Variants in DAB1 observed in about 807,000 individuals in gnomAD.
The protein encoded by DAB1 is DAB adaptor protein 1, also known as disabled homolog 1.
In DAB1, 15 loss-of-function variants were observed where a neutral mutation model predicts 64.6. The observed-to-expected ratio is 0.23, with a 90% CI of 0.16 to 0.36. The LOEUF is 0.36. DAB1 is among the 10% of genes least tolerant of loss of function. The probability of loss-of-function intolerance (pLI) is 1.00; values close to 1 mark genes in which losing one functional copy is unlikely to be tolerated. For synonymous variants in DAB1, 235 were observed against 251.9 expected, an observed-to-expected ratio of 0.93 and a Z score of 0.64; for missense variants, 596 against 706.7, an observed-to-expected ratio of 0.84 and a Z score of 1.78.
At chr1:57,117,789 C>T (rs1656270561) in intron 4 of DAB1, among the ~76,000 whole-genome samples, 1 of 151,404 alleles carries the variant, frequency 6.6e-6, no homozygotes, top group Non-Finnish European at 1.5e-5. Flanking sequence ...GGTGCTCTCA[C>T]ACTGAAAATA....
At chr1:57,984,542 A>G (rs533849076) in intron 5 of DAB1, among the ~76,000 whole-genome samples, 1 of 152,342 alleles carries the variant, frequency 6.6e-6, no homozygotes, top group Non-Finnish European at 1.5e-5. Flanking sequence ...CTTCCAGCAA[A>G]TTAAGCAGTA....
At chr1:57,579,522 A>G (rs915209803) in intron 7 of DAB1, among the ~76,000 whole-genome samples, 1 of 152,144 alleles carries the variant, frequency 6.6e-6, no homozygotes, top group Non-Finnish European at 1.5e-5. Flanking sequence ...TAACATGACT[A>G]TTTTTATTCC....
chr1:57,279,246 A>C (rs1671706734), intron 2 of DAB1, among the ~76,000 whole-genome samples: 1 of 152,218 alleles, frequency 6.6e-6, no homozygotes, highest in Non-Finnish European at 1.5e-5. Flanking sequence ...CTTTATATAA[A>C]ATGGCATAGT....
chr1:57,053,672 A>ATG (rs1359392684), intron 9 of DAB1, among the ~76,000 whole-genome samples: 3 of 89,012 alleles, frequency 3.4e-5, no homozygotes, highest in African/African-American at 8.1e-5. Flanking sequence ...ATATGTATAT[A>ATG]TATATATATA....
intron 2 of DAB1, among the ~76,000 whole-genome samples, chr1:57,176,509 A>T (rs956912003): frequency 1.3e-5 from 2 of 152,110 alleles, no homozygotes; most frequent in African/African-American, 4.8e-5. Context: ...GAATTGTGGG[A>T]GTTACAATTC....
intron 5 of DAB1, among the ~76,000 whole-genome samples, chr1:58,046,459 C>T (rs1647260648): frequency 6.6e-6 from 1 of 151,964 alleles, no homozygotes; most frequent in African/African-American, 2.4e-5. Context: ...ATTTTATTTT[C>T]TGTTGATTTT....
At chr1:57,212,977 C>G (rs1403752623) in intron 2 of DAB1, among the ~76,000 whole-genome samples, 1 of 152,146 alleles carries the variant, frequency 6.6e-6, no homozygotes, top group African/African-American at 2.4e-5. Flanking sequence ...GGGGGCTGCA[C>G]AGAGGCGTGC....
At chr1:57,477,414 T>A (rs1185363323) in intron 7 of DAB1, among the ~76,000 whole-genome samples, 1 of 152,178 alleles carries the variant, frequency 6.6e-6, no homozygotes, top group African/African-American at 2.4e-5. Context: ...TTGTTAAGGC[T>A]GGCTGAAGTC....
chr1:57,553,442 G>GAAAAGAAAGAAAGAAAGAA (rs59263518), intron 7 of DAB1, among the ~76,000 whole-genome samples: 1 of 68,154 alleles, frequency 1.5e-5, no homozygotes, highest in South Asian at 8.1e-4. Flanking sequence ...AAGAAAGAAA[G>GAAAAGAAAGAAAGAAAGAA]AGAAAGAAAG....
At chr1:58,231,738 C>T (rs544879735) in intron 4 of DAB1, among the ~76,000 whole-genome samples, 60 of 152,168 alleles carry the variant, frequency 3.9e-4, no homozygotes, top group Admixed American at 4.6e-4. Context: ...GTCTGAGTAA[C>T]AGTACACTGA....
intron 2 of DAB1, among the ~76,000 whole-genome samples, chr1:57,175,629 G>C (rs928051002): frequency 6.6e-6 from 1 of 152,120 alleles, no homozygotes; most frequent in Admixed American, 6.6e-5. Context: ...TTTACATGGC[G>C]TATCTGCTCT....
intron 3 of DAB1, among the ~76,000 whole-genome samples, chr1:58,400,812 A>G (rs1269608978): frequency 6.6e-6 from 1 of 152,234 alleles, no homozygotes; most frequent in African/African-American, 2.4e-5. Flanking sequence ...GAAATTCACA[A>G]TTGATAATTA....
intron 1 of DAB1, among the ~76,000 whole-genome samples, chr1:57,374,738 T>C (rs1252885562): frequency 6.6e-6 from 1 of 152,178 alleles, no homozygotes; most frequent in Admixed American, 6.5e-5. Context: ...TAGAAATCTT[T>C]TATAAAATAC....
intron 4 of DAB1, among the ~76,000 whole-genome samples, chr1:58,248,154 G>A (rs1362638286): frequency 1.3e-5 from 2 of 152,108 alleles, no homozygotes; most frequent in South Asian, 2.1e-4. Context: ...GGAGGTGGGT[G>A]AATCCTGTGG....
chr1:57,047,156 T>A (rs1214018179), intron 9 of DAB1, among the ~76,000 whole-genome samples: 1 of 152,206 alleles, frequency 6.6e-6, no homozygotes, highest in East Asian at 1.9e-4. Flanking sequence ...CTTATTTAAC[T>A]CCTCTGATCT....
At chr1:58,461,762 A>T (rs1235139974) in intron 3 of DAB1, among the ~76,000 whole-genome samples, 1 of 151,998 alleles carries the variant, frequency 6.6e-6, no homozygotes, top group African/African-American at 2.4e-5. Flanking sequence ...ATGGCTCCTG[A>T]TTTTTTCTGT....
At position 57,519,228 on chromosome 1, in the gene DAB1, T is replaced by A. The variant is rs537721767; in HGVS notation, n.625+130364A>T. 1.2e-4 allele frequency among the ~76,000 whole-genome samples: 18 copies of A among 152,310 alleles called. No homozygotes were observed. The South Asian group carries it at 3.7e-3, about 32-fold the overall frequency. On this transcript the variant is annotated intron_variant and non_coding_transcript_variant, in intron 7 of 20. Coordinates refer to the DAB1 transcript ENST00000485760. ...CTCCTCATATCAACTCTATAAATAC[T>A]TATCTTCATTTTACAGAAGAGGAAG...
chr1:57,515,676 A>AG (rs1644455845), intron 7 of DAB1, among the ~76,000 whole-genome samples: 1 of 152,238 alleles, frequency 6.6e-6, no homozygotes, highest in African/African-American at 2.4e-5. Flanking sequence ...GATGTCTAAA[A>AG]GGGGTTTCCA....
intron 9 of DAB1, among the ~76,000 whole-genome samples, chr1:57,052,653 C>A (rs1649306239): frequency 6.6e-6 from 1 of 152,028 alleles, no homozygotes; most frequent in African/African-American, 2.4e-5. Flanking sequence ...ATACTGGGAG[C>A]AAGATATTGA....
Sources: allele counts gnomAD v4.1 joint callset (sites outside exome capture counted in the v4.1 genomes callset), GRCh38; gene constraint gnomAD v4.1.1; transcripts MANE v1.5; gene names NCBI Gene and HGNC (gene_info 2026-07-23, HGNC 2026-07-21).